CCT2: variants seen among roughly 807,000 people sequenced by gnomAD.
The protein encoded by CCT2 is T-complex protein 1 subunit beta.
Under a neutral mutation model 61.8 loss-of-function variants are expected in CCT2, and 18 were observed. That is an observed-to-expected ratio of 0.29 (90% confidence interval 0.20 to 0.43). The LOEUF is 0.43. Ranked by LOEUF, CCT2 falls within the 20% of genes least tolerant of loss-of-function variation. The probability of loss-of-function intolerance (pLI) is 1.00; values close to 1 mark genes in which losing one functional copy is unlikely to be tolerated. For missense variants in CCT2, 556 were observed against 656.9 expected (o/e 0.85, Z 1.68); for synonymous variants, 248 against 215.9 (o/e 1.15, Z -1.30).
intron 7 of CCT2, among the ~76,000 whole-genome samples, chr12:69,591,345 A>G (rs1246087377): frequency 1.3e-5 from 2 of 152,228 alleles, no homozygotes; most frequent in African/African-American, 4.8e-5. Flanking sequence ...TACTGGTTAC[A>G]TTCCTGTTTT....
chr12:69,597,912 C>T, intron 12 of CCT2, 56 bp from the exon 13 acceptor site: 1 of 1,476,398 alleles, frequency 6.8e-7, no homozygotes, highest in South Asian at 1.2e-5. Context: ...GTCAGTAATT[C>T]AGTATCTTGG....
chr12:69,586,375 A>G lies in CCT2; in HGVS notation c.78+31A>G, dbSNP rs1236101641. ...CCTTGTTCTAAGCATTGTTTTAAAG[A>G]TAAAACTGGAGGCCAGGCGCGGTGG... On this transcript the variant is annotated intron_variant, in intron 2 of 15. Coordinates refer to ENST00000299300, the MANE Select transcript of CCT2 (RefSeq NM_006431.3). 9 of 1,521,088 alleles carry G rather than the reference A, an allele frequency of 5.9e-6. No individual in the cohort carries two copies. Among genetic ancestry groups the G allele is most frequent in the Non-Finnish European group, 8.2e-6 (9 of 1,096,392 alleles). The allele number at this position is 1,521,088 out of a possible 1,614,324, so 94.2% of individuals were successfully genotyped here.
In CCT2 at chr12:69,590,092, A is replaced by G. The variant is rs191417845; in HGVS notation, c.649+405A>G. On this transcript the variant is annotated intron_variant, in intron 7 of 15. Transcript: ENST00000299300. ...CCATTGAACAACATGGGTTTGAATT[A>G]TGTAGGTTCACAATGCAGGTTTTTT... Among the ~76,000 whole-genome samples, 4 of 152,354 alleles carry G rather than the reference A, an allele frequency of 2.6e-5. No homozygotes were observed. The East Asian group carries it at 7.7e-4, about 29-fold the overall frequency.
At chr12:69,598,516 C>T (rs568594268) in intron 14 of CCT2, 95 bp downstream of exon 14, 10 of 664,782 alleles carry the variant, frequency 1.5e-5, no homozygotes, top group African/African-American at 3.7e-5. Context: ...TTACAATAAC[C>T]GTATAAAAGA....
chr12:69,598,418 T>A lies in CCT2; in HGVS notation c.1432T>A (p.Leu478Met). The A allele has an allele frequency of 6.4e-7, 1 of 1,567,662 alleles. No homozygotes were observed. Among genetic ancestry groups the A allele is most frequent in the South Asian group, 1.2e-5 (1 of 81,934 alleles). Residue 478 changes from leucine (L) to methionine (M), a missense_variant, in exon 14 of 16, where the codon TTG (leucine) becomes ATG (methionine). Coordinates refer to ENST00000299300, the MANE Select transcript of CCT2 (RefSeq NM_006431.3). ...AHSEGNTTAG[L>M]DMREGTIGDM... ...CAGTGAAGGCAATACCACTGCTGGATTGGGTAAGCAATCAAGGGGAACTTT... is the reference window on the plus strand; with the variant it reads ...CAGTGAAGGCAATACCACTGCTGGAATGGGTAAGCAATCAAGGGGAACTTT...
chr12:69,589,937 G>A (rs1881784699), intron 7 of CCT2, among the ~76,000 whole-genome samples: 1 of 152,190 alleles, frequency 6.6e-6, no homozygotes, highest in African/African-American at 2.4e-5. Context: ...TGATAAAGAG[G>A]AAATGTTTTC....
intron 15 of CCT2, among the ~76,000 whole-genome samples, 197 bp downstream of exon 15, chr12:69,600,201 A>G (rs1230055995): frequency 6.6e-6 from 1 of 152,262 alleles, no homozygotes; most frequent in Non-Finnish European, 1.5e-5. Context: ...CAGCTGAGGT[A>G]GCTCTTAGGA....
At chr12:69,596,818 A>T (rs946953990) in intron 10 of CCT2, among the ~76,000 whole-genome samples, 1 of 152,192 alleles carries the variant, frequency 6.6e-6, no homozygotes, top group African/African-American at 2.4e-5. Context: ...AGTATTGTAT[A>T]GTGTGTGCTT....
chr12:69,585,555 C>G, intron 1 of CCT2, 31 bp downstream of exon 1: 5 of 1,568,022 alleles, frequency 3.2e-6, no homozygotes, highest in Non-Finnish European at 4.3e-6. Flanking sequence ...TCTTGCCCTA[C>G]CCCTGCTCCG....
At chr12:69,588,377 A>T in intron 6 of CCT2, 115 bp downstream of exon 6, 1 of 727,150 alleles carries the variant, frequency 1.4e-6, no homozygotes, top group Non-Finnish European at 2.3e-6. Context: ...TTGCTGCCTC[A>T]CCCCACTCCA....
chr12:69,586,524 C>G (rs1017918543), intron 2 of CCT2, among the ~76,000 whole-genome samples, 180 bp downstream of exon 2: 2 of 152,138 alleles, frequency 1.3e-5, no homozygotes, highest in East Asian at 3.9e-4. Flanking sequence ...AAAAATTAGC[C>G]GGGCGTGGTG....
At chr12:69,588,292 A>G in intron 6 of CCT2, 30 bp downstream of exon 6, 1 of 1,435,264 alleles carries the variant, frequency 7.0e-7, no homozygotes, top group Non-Finnish European at 9.8e-7. Context: ...ACTGTTCTAA[A>G]CATTTAGTGT....
intron 8 of CCT2, chr12:69,592,773 C>G (rs1593098228): frequency 5.1e-6 from 2 of 394,446 alleles, no homozygotes; most frequent in East Asian, 1.0e-4. Flanking sequence ...ACTAAAAATA[C>G]AAAAATTAGC....
intron 3 of CCT2, chr12:69,587,032 C>T (rs1593094168): frequency 2.3e-6 from 1 of 434,888 alleles, no homozygotes; most frequent in Non-Finnish European, 4.0e-6. Context: ...TTTGCACGTA[C>T]ATCTTCTAAT....
chr12:69,592,331 A>C, intron 8 of CCT2, 172 bp downstream of exon 8: 1 of 392,478 alleles, frequency 2.5e-6, no homozygotes, highest in Non-Finnish European at 4.7e-6. Flanking sequence ...AAAAAATACA[A>C]AATTAGCTGG....
At position 69,587,603 on chromosome 12, in the gene CCT2, T is replaced by G. The variant is rs755270638; in HGVS notation, c.243T>G (p.Ala81=). ...ACATTGGTGTTGACAATCCAGCAGC[T>G]AAAGTTTTAGTTGGTAAGTCTGAAT... The part of the protein sequence containing the change: ...LKNIGVDNPA[A]KVLVDMSRVQ... Residue 81 remains alanine (A), a synonymous_variant, in exon 4 of 16, where the codon GCT becomes GCG. Transcript: ENST00000299300. 2 of 1,604,372 alleles carry G rather than the reference T, an allele frequency of 1.2e-6. No homozygotes were observed. The highest frequency in any genetic ancestry group is 2.7e-5 in the African/African-American group (2 of 74,734).
Position 69,597,285 on chromosome 12 carries a change from T to G in CCT2, c.1102+10T>G. The stretch of plus-strand genomic sequence containing the variant: ...TCTGGGGTTGCCCTTGGTGAGTGAT[T>G]ATGTAGATCCTGGTTAGGGTGTCTA... On this transcript the variant is annotated intron_variant, in intron 11 of 15. Coordinates refer to ENST00000299300, the MANE Select transcript of CCT2 (RefSeq NM_006431.3). 1.9e-6 allele frequency: 3 copies of G among 1,613,680 alleles called. No individual in the cohort carries two copies. Among genetic ancestry groups the G allele is most frequent in the Non-Finnish European group, 2.5e-6 (3 of 1,179,756 alleles).
intron 3 of CCT2, 47 bp downstream of exon 3, chr12:69,586,865 C>G: frequency 1.7e-6 from 2 of 1,165,310 alleles, no homozygotes; most frequent in South Asian, 1.4e-5. Flanking sequence ...TTTTAGAGCG[C>G]TTGGTGGAAA....
At chr12:69,591,899 A>G (rs1305783920) in intron 7 of CCT2, among the ~76,000 whole-genome samples, 160 bp from the exon 8 acceptor site, 9 of 152,224 alleles carry the variant, frequency 5.9e-5, no homozygotes, top group African/African-American at 2.2e-4. Flanking sequence ...AGAATAAGGC[A>G]GGTTGGACAA....
Sources: gnomAD v4.1 joint callset for allele counts (sites outside exome capture counted in the v4.1 genomes callset) on GRCh38, gnomAD v4.1.1 for gene constraint, MANE v1.5 for transcripts, NCBI Gene and HGNC (gene_info 2026-07-23, HGNC 2026-07-21) for gene names.